The following ROCK1 variants were observed in gnomAD, a reference collection of about 807,000 sequenced individuals.
ROCK1 encodes the protein Rho associated coiled-coil containing protein kinase 1.
In ROCK1, 36 loss-of-function variants were observed where a neutral mutation model predicts 196.8. That is an observed-to-expected ratio of 0.18 (90% CI 0.14 to 0.24). The LOEUF (loss-of-function observed/expected upper bound fraction) is 0.24. Ranked by LOEUF, ROCK1 falls within the 10% of genes least tolerant of loss-of-function variation. The pLI is 1.00. For synonymous variants in ROCK1, 443 were observed against 515.9 expected (o/e 0.86, Z 1.91); for missense variants, 920 against 1,562.0 (o/e 0.59, Z 6.93).
intron 17 of ROCK1, 47 bp downstream of exon 17, chr18:20,992,784 T>C (rs2035637720): frequency 9.4e-7 from 1 of 1,068,046 alleles, no homozygotes; most frequent in Admixed American, 1.8e-5. Flanking sequence ...TCTATGATAA[T>C]CAGTAATTAC....
chr18:21,045,283 T>A lies in ROCK1; in HGVS notation c.590+9A>T, dbSNP rs375698922. The A allele has an allele frequency of 6.4e-7, 1 of 1,573,072 alleles. No homozygotes were observed. The highest frequency in any genetic ancestry group is 1.9e-5 in the Admixed American group (1 of 51,332). On this transcript the variant is annotated intron_variant, in intron 5 of 32. Transcript: ENST00000399799. The stretch of plus-strand genomic sequence containing the variant: ...CAAATGAGAAAATTTAAAGCACTTT[T>A]ATCTTTACCTGTGAATAAAACCCAT...
chr18:21,086,291 T>C (rs547364651), intron 1 of ROCK1, among the ~76,000 whole-genome samples: 2 of 152,112 alleles, frequency 1.3e-5, no homozygotes, highest in East Asian at 3.9e-4. Flanking sequence ...TTTGTATTTT[T>C]AGTAGAGACA....
intron 6 of ROCK1, among the ~76,000 whole-genome samples, chr18:21,043,551 TTATATGTATATACATATACATAATG>T (rs573191557): frequency 0.013 from 1,883 of 145,608 alleles, 32 homozygotes; most frequent in African/African-American, 0.028. Context: ...ATGTTATTTA[TTATATGTATATACATATACATAATG>T]TATATGTATA....
At chr18:21,011,684 G>A (rs1360144679) in intron 13 of ROCK1, among the ~76,000 whole-genome samples, 2 of 152,150 alleles carry the variant, frequency 1.3e-5, no homozygotes, top group Non-Finnish European at 2.9e-5. Flanking sequence ...TTGAACTCCT[G>A]GGCTCAAGCA....
Position 20,991,169 on chromosome 18 carries a change from C to T in ROCK1, c.2143+7G>A, listed in dbSNP as rs543883999. Reference sequence around the variant, plus strand: ...AATTTTGTAAAAATATTAAAACTGACACTTACCACACATTGCCACAGACTT... The same window carrying T: ...AATTTTGTAAAAATATTAAAACTGATACTTACCACACATTGCCACAGACTT... On this transcript the variant is annotated splice_region_variant and intron_variant, in intron 18 of 32. Coordinates refer to ENST00000399799, the MANE Select transcript of ROCK1 (RefSeq NM_005406.3). The T allele has an allele frequency of 2.3e-5, 37 of 1,576,692 alleles. No homozygotes were observed. The highest frequency in any genetic ancestry group is 3.1e-5 in the Non-Finnish European group (36 of 1,168,660).
chr18:21,036,546 G>T (rs929058841), intron 9 of ROCK1, among the ~76,000 whole-genome samples: 2 of 152,140 alleles, frequency 1.3e-5, no homozygotes, highest in Non-Finnish European at 2.9e-5. Context: ...CTGGGCTCAG[G>T]TGATTCTCTT....
At chr18:21,015,724 C>A (rs1242221267) in intron 12 of ROCK1, among the ~76,000 whole-genome samples, 3 of 151,700 alleles carry the variant, frequency 2.0e-5, no homozygotes, top group African/African-American at 7.3e-5. Flanking sequence ...GTAATCCCAG[C>A]ACTTTGGGAG....
intron 11 of ROCK1, among the ~76,000 whole-genome samples, chr18:21,021,592 T>C (rs944496418): frequency 6.6e-6 from 1 of 152,230 alleles, no homozygotes; most frequent in Non-Finnish European, 1.5e-5. Flanking sequence ...TATTTGGCAA[T>C]TGCAAAGTTG....
At chr18:20,977,996 C>T (rs1010348994) in intron 22 of ROCK1, among the ~76,000 whole-genome samples, 10 of 152,118 alleles carry the variant, frequency 6.6e-5, no homozygotes, top group African/African-American at 2.4e-4. Context: ...CGCTGTGATG[C>T]TAAAATTTAA....
Position 20,970,403 on chromosome 18 carries a change from T to C in ROCK1, c.2765A>G (p.Lys922Arg), listed in dbSNP as rs1419692494. ...QYFELTQESKKAASRNRQEIT... is the reference protein window; with the variant it reads ...QYFELTQESKRAASRNRQEIT... The stretch of plus-strand genomic sequence containing the variant: ...CTCTTGTCTATTTCTTGAAGCAGCT[T>C]TCTTGCTTTCTTGCGTCAATTCAAA... The change falls in exon 23 of 33, where the codon AAA (lysine) becomes AGA (arginine). Residue 922 changes from lysine (K) to arginine (R), a missense_variant. Transcript: ENST00000399799. 1 of 1,614,006 alleles carries C rather than the reference T, an allele frequency of 6.2e-7. No homozygotes were observed.
intron 13 of ROCK1, among the ~76,000 whole-genome samples, chr18:21,012,046 G>A (rs288988): frequency 0.98 from 149,302 of 152,318 alleles, 73,184 homozygotes; most frequent in Middle Eastern, 1. Context: ...GGTTCAAGCA[G>A]TTCTCTAGCC....
intron 2 of ROCK1, among the ~76,000 whole-genome samples, chr18:21,054,367 T>C (rs73959782): frequency 0.011 from 1,677 of 152,304 alleles, 36 homozygotes; most frequent in African/African-American, 0.038. Context: ...GCTTAGTTCA[T>C]GAGCCACAGT....
rs1382121618 is a variant in ROCK1 at position 21,044,109 on chromosome 18, A to C, written c.668T>G (p.Met223Arg). Residue 223 changes from methionine (M) to arginine (R), a missense_variant, in exon 6 of 33, where the codon ATG becomes AGG. Around this residue, in one of 6 missense-constraint regions of ROCK1, gnomAD observed 234 missense variants for 460.7 expected, o/e 0.51. Transcript: ENST00000399799. The stretch of plus-strand genomic sequence containing the variant: ...AAAATCTAGTTAATTAACCTTATTC[A>C]TCTTCATACAAGTACCAAAATCTGC... ...KLADFGTCMKMNKEGMVRCDT... is the reference protein window; with the variant it reads ...KLADFGTCMKRNKEGMVRCDT... The C allele has an allele frequency of 6.3e-7, 1 of 1,595,018 alleles. No homozygotes were observed. The highest frequency in any genetic ancestry group is 8.6e-7 in the Non-Finnish European group (1 of 1,165,298).
At chr18:20,966,537 A>G (rs1354226398) in intron 27 of ROCK1, among the ~76,000 whole-genome samples, 1 of 152,250 alleles carries the variant, frequency 6.6e-6, no homozygotes, top group Non-Finnish European at 1.5e-5. Context: ...TCTTAGTTTT[A>G]GCACAAGAAT....
intron 10 of ROCK1, among the ~76,000 whole-genome samples, chr18:21,025,262 G>A (rs1041795661): frequency 1.3e-5 from 2 of 152,022 alleles, no homozygotes; most frequent in Non-Finnish European, 2.9e-5. Flanking sequence ...ATAGCTTAAG[G>A]CTATTTTAAA....
chr18:21,032,852 A>G (rs2036021568), intron 9 of ROCK1, among the ~76,000 whole-genome samples: 1 of 152,014 alleles, frequency 6.6e-6, no homozygotes, highest in Non-Finnish European at 1.5e-5. Flanking sequence ...CTTAGATGAA[A>G]TAGAGACATT....
chr18:20,951,818 T>C (rs1253213290), intron 32 of ROCK1, among the ~76,000 whole-genome samples: 2 of 152,184 alleles, frequency 1.3e-5, no homozygotes. Context: ...GCTTGGAAGA[T>C]GTAGGTGACA....
intron 17 of ROCK1, among the ~76,000 whole-genome samples, chr18:20,991,850 C>A (rs2035629186): frequency 6.6e-6 from 1 of 151,802 alleles, no homozygotes; most frequent in Non-Finnish European, 1.5e-5. Flanking sequence ...ACTGCCCAGG[C>A]TATTCTCAAA....
chr18:21,010,792 A>G (rs556540952), intron 13 of ROCK1, among the ~76,000 whole-genome samples: 145 of 152,182 alleles, frequency 9.5e-4, no homozygotes, highest in Non-Finnish European at 1.9e-3. Flanking sequence ...GTCTCCAACA[A>G]TAATTATGGA....
Sources: allele counts gnomAD v4.1 joint callset (sites outside exome capture counted in the v4.1 genomes callset), GRCh38; gene constraint gnomAD v4.1.1; regional missense constraint gnomAD v4.1.1; transcripts MANE v1.5; gene names NCBI Gene and HGNC (gene_info 2026-07-23, HGNC 2026-07-21).